The following ELMO1 variants were observed in gnomAD, a reference collection of about 807,000 sequenced individuals.
The protein encoded by ELMO1 is engulfment and cell motility 1.
A neutral mutation model predicts 98.9 loss-of-function variants in ELMO1; 26 were observed. The ratio of observed to expected loss-of-function variants is 0.26; its 90% CI spans 0.19 to 0.36. The LOEUF (loss-of-function observed/expected upper bound fraction) is 0.36. ELMO1 is among the 10% of genes least tolerant of loss of function. The pLI is 1.00. For synonymous variants in ELMO1, 346 were observed against 346.0 expected (o/e 1.00, Z 0.00); for missense variants, 627 against 935.2 (o/e 0.67, Z 4.30).
rs1209657346 is a variant in ELMO1, at chr7:37,425,217, G to A, written c.-74+23458C>T. On this transcript the variant is annotated intron_variant, in intron 1 of 21. Transcript: ENST00000310758. ...GCCAGCAGGGTTGGGTTCTGGTGAGGGTGCTCTTCTGGGCTGTGGACTGAC... is the reference window on the plus strand; with the variant it reads ...GCCAGCAGGGTTGGGTTCTGGTGAGAGTGCTCTTCTGGGCTGTGGACTGAC... Among the ~76,000 whole-genome samples, 3 of 152,260 alleles carry A rather than the reference G, an allele frequency of 2.0e-5. No homozygotes were observed. In the East Asian group the frequency reaches 5.8e-4, roughly 29 times the overall value.
upstream of ELMO1, chr7:37,449,042 C>G (rs1380952047): frequency 6.6e-6 from 1 of 152,360 alleles, no homozygotes; most frequent in Admixed American, 6.5e-5. Flanking sequence ...CCAGGACACT[C>G]GTGGTCTGCG....
chr7:37,039,234 A>G (rs115087494), intron 15 of ELMO1, among the ~76,000 whole-genome samples: 2,641 of 152,340 alleles, frequency 0.017, 23 homozygotes, highest in Middle Eastern at 0.041. Context: ...GGCAGAATGT[A>G]CAGATTATGA....
In ELMO1 at chr7:37,267,036, TATAC is replaced by T. The variant is rs1461328269; in HGVS notation, c.243+4792_243+4795del. Among the ~76,000 whole-genome samples, 129 of 26,924 alleles carry T rather than the reference TATAC, an allele frequency of 4.8e-3. 8 individuals carry two copies. The highest frequency in any genetic ancestry group is 0.018 in the African/African-American group (116 of 6,346). 17.7% of individuals were successfully genotyped at this position (26,924 alleles called of 152,430 possible). ...TAAAAAAAAAAAAAAAATATGTATA[TATAC>T]ACACACACACACACACACACACACA... On this transcript the variant is annotated intron_variant, in intron 5 of 21. Coordinates refer to ENST00000310758, the MANE Select transcript of ELMO1 (RefSeq NM_014800.11).
chr7:37,091,445 A>G (rs1415375458), intron 15 of ELMO1, among the ~76,000 whole-genome samples: 1 of 152,166 alleles, frequency 6.6e-6, no homozygotes, highest in Non-Finnish European at 1.5e-5. Flanking sequence ...TGCTTTAATA[A>G]CAACAATAAA....
In ELMO1 at chr7:37,246,791, A is replaced by G. The variant is rs552906557; in HGVS notation, c.414-2400T>C. 6.9e-5 allele frequency among the ~76,000 whole-genome samples: 10 copies of G among 145,830 alleles called. No homozygotes were observed. The East Asian group carries it at 8.3e-4, about 12-fold the overall frequency. ...GGAGAGACAGATAGATAGATAGATA[A>G]ACAGACAGATAGATAGATAGATATC... On this transcript the variant is annotated intron_variant, in intron 6 of 21. Transcript: ENST00000310758.
chr7:37,100,965 C>A (rs565567523), intron 14 of ELMO1, among the ~76,000 whole-genome samples: 3 of 152,368 alleles, frequency 2.0e-5, no homozygotes, highest in East Asian at 3.9e-4. Context: ...TATCAACTCA[C>A]ACAACAAAGG....
At chr7:37,301,592 G>T (rs1342346436) in intron 4 of ELMO1, among the ~76,000 whole-genome samples, 1 of 116,300 alleles carries the variant, frequency 8.6e-6, no homozygotes, top group Non-Finnish European at 1.6e-5. Context: ...CTCAGTCAAA[G>T]CACCAAGAAC....
rs545786535 is a variant in ELMO1 at position 37,224,664 on chromosome 7, A to G, written c.701+215T>C. 2.6e-5 allele frequency among the ~76,000 whole-genome samples: 4 copies of G among 152,362 alleles called. No individual in the cohort carries two copies. In the South Asian group the frequency reaches 6.2e-4, roughly 24 times the overall value. ...CAAGGGCCAGGCGTGGGGACAGGCA[A>G]TGCCAAGAACCAGCTTGGAGTTCAG... On this transcript the variant is annotated intron_variant, in intron 9 of 21. Transcript: ENST00000310758.
At chr7:37,254,014 G>A (rs371776239) in intron 6 of ELMO1, among the ~76,000 whole-genome samples, 2 of 152,164 alleles carry the variant, frequency 1.3e-5, no homozygotes, top group East Asian at 1.9e-4. Flanking sequence ...TAACAGAGAA[G>A]CCAGGATTTC....
chr7:37,168,011 C>T (rs1447685871), intron 13 of ELMO1, among the ~76,000 whole-genome samples: 1 of 151,872 alleles, frequency 6.6e-6, no homozygotes, highest in Non-Finnish European at 1.5e-5. Context: ...CACATAGTCC[C>T]ATATTTCTTG....
chr7:37,212,984 A>G (rs1307682652), intron 12 of ELMO1, among the ~76,000 whole-genome samples: 1 of 152,186 alleles, frequency 6.6e-6, no homozygotes. Context: ...AATGCCACAT[A>G]GAGTCACCAA....
At chr7:37,112,689 T>C (rs903211375) in intron 14 of ELMO1, among the ~76,000 whole-genome samples, 6 of 152,186 alleles carry the variant, frequency 3.9e-5, no homozygotes, top group African/African-American at 1.4e-4. Context: ...AGAAAAATAT[T>C]GTCTATTATT....
At chr7:37,207,799 G>T (rs148671389) in intron 13 of ELMO1, among the ~76,000 whole-genome samples, 3 of 152,090 alleles carry the variant, frequency 2.0e-5, no homozygotes, top group African/African-American at 7.2e-5. Context: ...AACATTAGCT[G>T]GGTGTGGTGG....
intron 16 of ELMO1, among the ~76,000 whole-genome samples, chr7:37,010,881 A>C (rs2129170893): frequency 6.6e-6 from 1 of 152,366 alleles, no homozygotes; most frequent in South Asian, 2.1e-4. Context: ...AGAGAAAAAA[A>C]GCAAACACGA....
At chr7:37,352,075 A>T (rs998093562) in intron 1 of ELMO1, among the ~76,000 whole-genome samples, 2 of 152,236 alleles carry the variant, frequency 1.3e-5, no homozygotes, top group African/African-American at 4.8e-5. Flanking sequence ...TCCACTAATA[A>T]CTTACTAGTT....
At chr7:37,191,342 C>G (rs1354268833) in intron 13 of ELMO1, among the ~76,000 whole-genome samples, 1 of 150,856 alleles carries the variant, frequency 6.6e-6, no homozygotes, top group East Asian at 1.9e-4. Flanking sequence ...TGTGGTAAGC[C>G]CAACTAAATC....
At chr7:37,000,938 TACACACACAC>T (rs145766627) in intron 16 of ELMO1, among the ~76,000 whole-genome samples, 73 of 147,502 alleles carry the variant, frequency 4.9e-4, no homozygotes, top group Non-Finnish European at 8.7e-4. Flanking sequence ...TATATGTGTA[TACACACACAC>T]ACACACACAC....
chr7:37,024,139 C>T (rs1458316060), intron 15 of ELMO1, among the ~76,000 whole-genome samples: 9 of 152,176 alleles, frequency 5.9e-5, no homozygotes, highest in Admixed American at 3.3e-4. Context: ...ATCTGTCGGT[C>T]GGTCCATCCA....
At chr7:36,864,749 C>T (rs1802897927) in intron 20 of ELMO1, among the ~76,000 whole-genome samples, 1 of 152,232 alleles carries the variant, frequency 6.6e-6, no homozygotes, top group South Asian at 2.1e-4. Flanking sequence ...CCACAACACT[C>T]ACTTAGACAT....
Sources: allele counts gnomAD v4.1 joint callset (sites outside exome capture counted in the v4.1 genomes callset), GRCh38; gene constraint gnomAD v4.1.1; transcripts MANE v1.5; gene names NCBI Gene and HGNC (gene_info 2026-07-23, HGNC 2026-07-21).